PCCA: variants seen among roughly 807,000 people sequenced by gnomAD.
The protein encoded by PCCA is propionyl-CoA carboxylase subunit alpha.
Under a neutral mutation model 101.3 loss-of-function variants are expected in PCCA, and 74 were observed. The observed-to-expected ratio is 0.73, with a 90% CI of 0.61 to 0.89. The LOEUF (loss-of-function observed/expected upper bound fraction) is 0.89. Ranked by LOEUF, PCCA falls within the 40% of genes least tolerant of loss-of-function variation. The pLI is 0.00. For missense variants in PCCA, 891 were observed against 907.0 expected (o/e 0.98, Z 0.23); for synonymous variants, 294 against 313.6 (o/e 0.94, Z 0.66).
In PCCA at chr13:100,295,830, G is replaced by A. The variant is rs149426991; in HGVS notation, c.1066-5630G>A. On this transcript the variant is annotated intron_variant, in intron 12 of 23. Transcript: ENST00000376285. Reference sequence around the variant, plus strand: ...TCAGCCTCCTCCTCATAATGGCCAAGTTAACACACACTGCGTCTTTCTGAC... The same window carrying A: ...TCAGCCTCCTCCTCATAATGGCCAAATTAACACACACTGCGTCTTTCTGAC... 3.1e-3 allele frequency among the ~76,000 whole-genome samples: 466 copies of A among 152,286 alleles called. 2 individuals carry two copies. Among genetic ancestry groups the A allele is most frequent in the African/African-American group, 0.011 (447 of 41,556 alleles).
intron 7 of PCCA, among the ~76,000 whole-genome samples, chr13:100,232,587 C>G (rs1566760586): frequency 6.6e-6 from 1 of 152,122 alleles, no homozygotes; most frequent in Admixed American, 6.5e-5. Context: ...TGCCATGTTG[C>G]CCAGGCTAGT....
intron 18 of PCCA, 80 bp downstream of exon 18, chr13:100,340,339 G>A: frequency 1.3e-6 from 1 of 791,722 alleles, no homozygotes; most frequent in Admixed American, 1.8e-5. Flanking sequence ...ACTAATAAAA[G>A]ATGTGGCTGA....
Position 100,381,739 on chromosome 13 carries a change from G to A in PCCA, c.1746+13165G>A, listed in dbSNP as rs375772658. ...CAACTCCTTGTGGGAGGGAGCACACGAGCGAAGGAGGCGGGAACTGTAGTG... is the reference window on the plus strand; with the variant it reads ...CAACTCCTTGTGGGAGGGAGCACACAAGCGAAGGAGGCGGGAACTGTAGTG... On this transcript the variant is annotated intron_variant, in intron 19 of 23. Coordinates refer to ENST00000376285, the MANE Select transcript of PCCA (RefSeq NM_000282.4). Among the ~76,000 whole-genome samples the A allele has an allele frequency of 8.5e-5, 13 of 152,324 alleles. No homozygotes were observed. In the East Asian group the frequency reaches 1.7e-3, roughly 20 times the overall value.
intron 19 of PCCA, among the ~76,000 whole-genome samples, chr13:100,376,506 C>T (rs1256869999): frequency 1.3e-5 from 2 of 152,174 alleles, no homozygotes; most frequent in Non-Finnish European, 2.9e-5. Flanking sequence ...ATCTAGAAGC[C>T]CCTGAGTGGG....
chr13:100,366,298 C>A (rs1053422997), intron 18 of PCCA, among the ~76,000 whole-genome samples: 7 of 151,606 alleles, frequency 4.6e-5, no homozygotes, highest in African/African-American at 1.7e-4. Flanking sequence ...TATCCAGGAG[C>A]TTGGGGCACA....
chr13:100,451,555 C>G (rs1211971351), intron 21 of PCCA, among the ~76,000 whole-genome samples: 1 of 152,122 alleles, frequency 6.6e-6, no homozygotes, highest in East Asian at 1.9e-4. Flanking sequence ...CTTAGCATCT[C>G]TACTGGGTTT....
rs1244556480 is a variant in PCCA, at chr13:100,154,762, GT to G, written c.301-215del. ...TAGGGGATATTATGGAAATTATTTG[GT>G]TAGACAATGAATTAGGCTGTAATAA... On this transcript the variant is annotated intron_variant, in intron 4 of 23. Coordinates refer to ENST00000376285, the MANE Select transcript of PCCA (RefSeq NM_000282.4). The G allele has an allele frequency of 7.3e-5, 39 of 535,266 alleles. No homozygotes were observed. In the African/African-American group the frequency reaches 7.5e-4, roughly 10 times the overall value. The allele number at this position is 535,266 out of a possible 1,614,324, so 33.2% of individuals were successfully genotyped here.
chr13:100,469,352 A>G (rs2082800562), intron 21 of PCCA, among the ~76,000 whole-genome samples: 1 of 152,154 alleles, frequency 6.6e-6, no homozygotes, highest in African/African-American at 2.4e-5. Flanking sequence ...GCTCAGGTTT[A>G]AGGGACTGGA....
At chr13:100,164,543 C>T (rs1324593667) in intron 6 of PCCA, among the ~76,000 whole-genome samples, 1 of 152,174 alleles carries the variant, frequency 6.6e-6, no homozygotes. Flanking sequence ...CTCCTTGACT[C>T]TTATGTAGTT....
intron 20 of PCCA, among the ~76,000 whole-genome samples, chr13:100,443,870 A>G (rs996156680): frequency 3.3e-5 from 5 of 151,970 alleles, no homozygotes; most frequent in Admixed American, 6.6e-5. Flanking sequence ...CAGGCTCCTA[A>G]CTGAATGATT....
At chr13:100,444,314 C>G (rs993922176) in intron 20 of PCCA, among the ~76,000 whole-genome samples, 10 of 151,562 alleles carry the variant, frequency 6.6e-5, no homozygotes, top group Admixed American at 2.6e-4. Context: ...AAGTGATTCT[C>G]CTGCCTCAGC....
intron 7 of PCCA, among the ~76,000 whole-genome samples, chr13:100,221,801 G>A (rs1566737229): frequency 6.9e-6 from 1 of 145,664 alleles, no homozygotes; most frequent in Non-Finnish European, 1.5e-5. Context: ...GCAGTGGTGC[G>A]ATCTCAGCTC....
Position 100,482,774 on chromosome 13 carries a change from A to T in PCCA, c.1900-32653A>T, listed in dbSNP as rs537736445. 4.3e-3 allele frequency among the ~76,000 whole-genome samples: 655 copies of T among 152,264 alleles called. 2 individuals are homozygous for T. The highest frequency in any genetic ancestry group is 8.1e-3 in the Non-Finnish European group (548 of 68,014). ...AGTGGCTCACGCCTGTAATCCCAGCACTTTGGGAGGTCGGGGCGGGCGGAT... is the reference window on the plus strand; with the variant it reads ...AGTGGCTCACGCCTGTAATCCCAGCTCTTTGGGAGGTCGGGGCGGGCGGAT... On this transcript the variant is annotated intron_variant, in intron 21 of 23. Coordinates refer to ENST00000376285, the MANE Select transcript of PCCA (RefSeq NM_000282.4).
chr13:100,488,063 A>G (rs1057479082), intron 21 of PCCA, among the ~76,000 whole-genome samples: 5 of 151,938 alleles, frequency 3.3e-5, no homozygotes, highest in Non-Finnish European at 5.9e-5. Flanking sequence ...TAATGAAGCC[A>G]CAAGCATTCT....
intron 19 of PCCA, among the ~76,000 whole-genome samples, chr13:100,406,544 A>G (rs2077693776): frequency 6.6e-6 from 1 of 152,180 alleles, no homozygotes; most frequent in African/African-American, 2.4e-5. Context: ...ATCTCTACTA[A>G]AAATACAAAA....
chr13:100,527,743 A>G lies in PCCA; in HGVS notation c.2109A>G (p.Lys703=), dbSNP rs1244228915. 1 of 1,612,652 alleles carries G rather than the reference A, an allele frequency of 6.2e-7. No homozygotes were observed. The highest frequency in any genetic ancestry group is 8.5e-7 in the Non-Finnish European group (1 of 1,178,904). The change falls in exon 23 of 24, where the codon AAA becomes AAG. Residue 703 remains lysine (K), a synonymous_variant. Transcript: ENST00000376285. ...MKMQNSMTAG[K]TGTVKSVHCQ... is the part of the protein sequence containing the mutation. Reference sequence around the variant, plus strand: ...TGCAGAATAGTATGACAGCTGGGAAAACTGGCACGGTGAGTCCCTAAGTCC... The same window carrying G: ...TGCAGAATAGTATGACAGCTGGGAAGACTGGCACGGTGAGTCCCTAAGTCC...
intron 19 of PCCA, among the ~76,000 whole-genome samples, chr13:100,400,620 CTTTTTAGTTCTTTTTT>C (rs2077285423): frequency 1.6e-5 from 1 of 61,950 alleles, no homozygotes. Flanking sequence ...GATCTTAGTT[CTTTTTAGTTCTTTTTT>C]TTTTTTTTTT....
intron 12 of PCCA, among the ~76,000 whole-genome samples, chr13:100,288,767 C>A (rs1402271296): frequency 6.6e-6 from 1 of 151,982 alleles, no homozygotes; most frequent in Non-Finnish European, 1.5e-5. Context: ...TTCTTTCTGT[C>A]TCTCTTCTTT....
chr13:100,431,632 C>T (rs533572417), intron 20 of PCCA, among the ~76,000 whole-genome samples: 119 of 152,150 alleles, frequency 7.8e-4, no homozygotes, highest in Middle Eastern at 3.4e-3. Flanking sequence ...TTTGAGAGGC[C>T]GAGGTGGGTG....
Sources: gnomAD v4.1 joint callset for allele counts (sites outside exome capture counted in the v4.1 genomes callset) on GRCh38, gnomAD v4.1.1 for gene constraint, MANE v1.5 for transcripts, NCBI Gene and HGNC (gene_info 2026-07-23, HGNC 2026-07-21) for gene names.